PCDHGB2: variants seen among roughly 807,000 people sequenced by gnomAD.
PCDHGB2 encodes protocadherin gamma-B2.
PCDHGB2 carries 55 observed loss-of-function variants against 59.3 expected under a neutral mutation model. The observed-to-expected ratio is 0.93, with a 90% CI of 0.75 to 1.16. PCDHGB2 has a LOEUF of 1.16. Ranked by LOEUF, PCDHGB2 falls within the 50% of genes most tolerant of loss-of-function variation. The pLI is 0.00. For missense variants in PCDHGB2, 1,228 were observed against 1,198.5 expected, an observed-to-expected ratio of 1.02 and a Z score of -0.36; for synonymous variants, 516 against 512.0, an observed-to-expected ratio of 1.01 and a Z score of -0.11.
chr5:141,428,443 G>T (rs1004000862), intron 1 of PCDHGB2: 5 of 383,870 alleles, frequency 1.3e-5, no homozygotes, highest in Non-Finnish European at 2.0e-5. Context: ...TAGACCAGGG[G>T]TTTTTCCCAA....
intron 1 of PCDHGB2, chr5:141,387,764 A>T: frequency 7.0e-7 from 1 of 1,430,464 alleles, no homozygotes; most frequent in Non-Finnish European, 9.3e-7. Context: ...AAAAAGAAGA[A>T]TTTTTTCTTG....
intron 1 of PCDHGB2, chr5:141,422,304 A>G: frequency 6.5e-7 from 1 of 1,548,524 alleles, no homozygotes; most frequent in Non-Finnish European, 8.7e-7. Context: ...CAATTCTGGA[A>G]AACTCTCCTC....
intron 1 of PCDHGB2, among the ~76,000 whole-genome samples, chr5:141,480,274 G>A (rs111260319): frequency 6.6e-6 from 1 of 152,036 alleles, no homozygotes; most frequent in Non-Finnish European, 1.5e-5. Context: ...CATTAGCTGG[G>A]TGTGTTGGCA....
intron 1 of PCDHGB2, among the ~76,000 whole-genome samples, chr5:141,425,967 G>A (rs1021171082): frequency 2.0e-5 from 3 of 152,214 alleles, no homozygotes; most frequent in Non-Finnish European, 4.4e-5. Flanking sequence ...CAACACATCA[G>A]TCTAATTCTG....
intron 1 of PCDHGB2, chr5:141,427,949 C>T (rs2097092193): frequency 1.3e-6 from 2 of 1,586,882 alleles, no homozygotes; most frequent in South Asian, 1.1e-5. Context: ...ACCTCAATGA[C>T]AATGTGCCGC....
rs533999436 is a variant in PCDHGB2, at chr5:141,362,075, G to T, written c.1940G>T (p.Arg647Leu). 1 of 1,612,962 alleles carries T rather than the reference G, an allele frequency of 6.2e-7. No individual in the cohort carries two copies. Among genetic ancestry groups the T allele is most frequent in the Non-Finnish European group, 8.5e-7 (1 of 1,179,808 alleles). ...CGCCAGCGCCTGCTGGTCGCTGTGC[G>T]TGATGGAGGACAGCCGCCACTCTCC... is the stretch of plus-strand genomic sequence containing the variant. ...AARQRLLVAV[R>L]DGGQPPLSAT... Residue 647 changes from arginine to leucine, a missense_variant, in exon 1 of 4, where the codon CGT becomes CTT. Physicochemically the swap from Arg to Leu is moderately radical, Grantham distance 102 (BLOSUM62 -2). This residue lies in a region of PCDHGB2 where 433 missense variants were observed against 441.8 expected (regional missense o/e 0.98). Transcript: ENST00000522605.
rs376882435 is a variant in PCDHGB2, at chr5:141,361,182, G to A, written c.1047G>A (p.Val349=). The A allele has an allele frequency of 3.5e-5, 56 of 1,613,766 alleles. No homozygotes were observed. Among genetic ancestry groups the A allele is most frequent in the Non-Finnish European group, 4.7e-5 (56 of 1,179,878 alleles). The change falls in exon 1 of 4, where the codon GTG becomes GTA. Residue 349 remains valine (V), a synonymous_variant. Transcript: ENST00000522605. The part of the protein sequence containing the change: ...DDNDCAPEVI[V]TSVSTPLPED... ...ACGATTGTGCACCTGAAGTTATTGTGACTTCAGTATCTACTCCCCTACCGG... is the reference window on the plus strand; with the variant it reads ...ACGATTGTGCACCTGAAGTTATTGTAACTTCAGTATCTACTCCCCTACCGG...
chr5:141,428,050 T>C (rs1222417053), intron 1 of PCDHGB2: 1 of 1,608,844 alleles, frequency 6.2e-7, no homozygotes, highest in Non-Finnish European at 8.5e-7. Flanking sequence ...GTGACCAAGG[T>C]GGTGGCGGTG....
chr5:141,405,333 CTGTT>C (rs1203111813), intron 1 of PCDHGB2: 18 of 1,614,204 alleles, frequency 1.1e-5, no homozygotes, highest in Non-Finnish European at 1.4e-5. Flanking sequence ...TTGTGCGTCT[CTGTT>C]GATTCCAAGT....
chr5:141,486,967 G>C lies in PCDHGB2; in HGVS notation c.2422-7840G>C. The C allele has an allele frequency of 6.2e-7, 1 of 1,614,202 alleles. No homozygotes were observed. Among genetic ancestry groups the C allele is most frequent in the Non-Finnish European group, 8.5e-7 (1 of 1,180,032 alleles). ...TCACAAAGGTGACTGCTGTGGACTT[G>C]GATTCAGGTTACAATGCTTGGGTTT... On this transcript the variant is annotated intron_variant, in intron 1 of 3. Transcript: ENST00000522605. The surrounding 1 kb of genome is among the most constrained non-coding windows in gnomAD (Gnocchi z 5.0).
At position 141,404,183 on chromosome 5, in the gene PCDHGB2, G is replaced by A; in HGVS notation, c.2421+41627G>A. The A allele has an allele frequency of 1.2e-6, 2 of 1,613,154 alleles. No individual in the cohort carries two copies. Among genetic ancestry groups the A allele is most frequent in the South Asian group, 1.1e-5 (1 of 90,926 alleles). On this transcript the variant is annotated intron_variant, in intron 1 of 3. Coordinates refer to ENST00000522605, the MANE Select transcript of PCDHGB2 (RefSeq NM_018923.3). Reference sequence around the variant, plus strand: ...CAGATTGTTGACGGCCCAAATTCTTGACCGAGAAAAAGCCTCAGAATATAA... The same window carrying A: ...CAGATTGTTGACGGCCCAAATTCTTAACCGAGAAAAAGCCTCAGAATATAA...
intron 1 of PCDHGB2, chr5:141,370,299 G>A (rs914086562): frequency 8.6e-7 from 1 of 1,160,314 alleles, no homozygotes; most frequent in African/African-American, 1.5e-5. Flanking sequence ...CAAGCACAAA[G>A]ACAAAGCAAA....
intron 1 of PCDHGB2, among the ~76,000 whole-genome samples, chr5:141,484,730 G>T (rs1231473842): frequency 6.6e-6 from 1 of 151,728 alleles, no homozygotes; most frequent in Non-Finnish European, 1.5e-5. Context: ...GGGGTCAGTC[G>T]GTGTGTTAGG....
chr5:141,476,950 A>T lies in PCDHGB2; in HGVS notation c.2422-17857A>T, dbSNP rs1224572890. 2 of 1,614,158 alleles carry T rather than the reference A, an allele frequency of 1.2e-6. No homozygotes were observed. The highest frequency in any genetic ancestry group is 4.5e-5 in the East Asian group (2 of 44,878). ...ATCTGGATGAAGGCCCCAACGGTGA[A>T]ATTATTTACTCCTTCGGCAGCCACA... On this transcript the variant is annotated intron_variant, in intron 1 of 3. Transcript: ENST00000522605. The surrounding 1 kb of genome is among the most constrained non-coding windows in gnomAD (Gnocchi z 7.6).
intron 1 of PCDHGB2, chr5:141,366,651 A>C (rs767855798): frequency 3.1e-6 from 5 of 1,614,244 alleles, no homozygotes; most frequent in Non-Finnish European, 3.4e-6. Context: ...CCCCAGCCCA[A>C]CTACGCAGAC....
chr5:141,428,324 T>C, intron 1 of PCDHGB2: 1 of 642,806 alleles, frequency 1.6e-6, no homozygotes, highest in Non-Finnish European at 2.8e-6. Flanking sequence ...TTGGCCTTGA[T>C]TTCTATGCTC....
chr5:141,487,068 T>C lies in PCDHGB2; in HGVS notation c.2422-7739T>C. ...TATGCTGGGGAGGTGCGGACGGCTG[T>C]TCCTATCCCAGCTGACCTCCCACCA... On this transcript the variant is annotated intron_variant, in intron 1 of 3. Transcript: ENST00000522605. The surrounding 1 kb of genome is among the most constrained non-coding windows in gnomAD (Gnocchi z 5.0). The C allele has an allele frequency of 6.2e-7, 1 of 1,614,166 alleles. No individual in the cohort carries two copies. The highest frequency in any genetic ancestry group is 8.5e-7 in the Non-Finnish European group (1 of 1,180,016).
chr5:141,400,524 G>T, intron 1 of PCDHGB2: 1 of 1,613,920 alleles, frequency 6.2e-7, no homozygotes, highest in Non-Finnish European at 8.5e-7. Flanking sequence ...ATCCTGAGTT[G>T]GTGAGTTTCA....
At chr5:141,446,604 G>C (rs1226194089) in intron 1 of PCDHGB2, among the ~76,000 whole-genome samples, 1 of 152,134 alleles carries the variant, frequency 6.6e-6, no homozygotes, top group Non-Finnish European at 1.5e-5. Flanking sequence ...AGCCTCCTGA[G>C]TAGCTGGGAC....
Sources: allele counts gnomAD v4.1 joint callset (sites outside exome capture counted in the v4.1 genomes callset), GRCh38; gene constraint gnomAD v4.1.1; regional missense constraint gnomAD v4.1.1; non-coding constraint Gnocchi (gnomAD v3.1); transcripts MANE v1.5; gene names NCBI Gene and HGNC (gene_info 2026-07-23, HGNC 2026-07-21).